GALNT13: variants seen among roughly 807,000 people sequenced by gnomAD.
GALNT13 encodes UDP-GalNAc:polypeptide N-acetylgalactosaminyltransferase 13.
A neutral mutation model predicts 64.2 loss-of-function variants in GALNT13; 28 were observed. The observed-to-expected ratio is 0.44, with a 90% CI of 0.32 to 0.60. GALNT13 has a LOEUF of 0.60. Ranked by LOEUF, GALNT13 falls within the 20% of genes least tolerant of loss-of-function variation. The probability of loss-of-function intolerance (pLI) is 0.05; values close to 1 mark genes in which losing one functional copy is unlikely to be tolerated. For missense variants in GALNT13, 577 were observed against 669.8 expected (o/e 0.86, Z 1.53); for synonymous variants, 214 against 224.6 (o/e 0.95, Z 0.42).
chr2:153,862,666 A>G, the GALNT13 span, among the ~76,000 whole-genome samples: 1 of 152,014 alleles, frequency 6.6e-6, no homozygotes, highest in South Asian at 2.1e-4. Flanking sequence ...TATACCTTAC[A>G]TTTGTAAAAC....
At chr2:153,501,832 C>T in the GALNT13 span, among the ~76,000 whole-genome samples, 6 of 152,246 alleles carry the variant, frequency 3.9e-5, no homozygotes, top group African/African-American at 9.6e-5. Context: ...CTTGGCTATC[C>T]GCTTTTAATT....
At chr2:153,722,526 T>G in the GALNT13 span, among the ~76,000 whole-genome samples, 2 of 149,552 alleles carry the variant, frequency 1.3e-5, no homozygotes, top group African/African-American at 2.5e-5. Flanking sequence ...GGAGCTGGTT[T>G]TTTGAAAGGA....
chr2:153,354,808 C>T, the GALNT13 span, among the ~76,000 whole-genome samples: 2 of 152,042 alleles, frequency 1.3e-5, no homozygotes, highest in African/African-American at 4.8e-5. Context: ...ATTTTTCTTC[C>T]CTATATCATT....
chr2:154,145,673 C>T (rs952077419), intron 4 of GALNT13, among the ~76,000 whole-genome samples: 3 of 151,978 alleles, frequency 2.0e-5, no homozygotes, highest in Non-Finnish European at 2.9e-5. Flanking sequence ...GAGGAAAAGA[C>T]TCTAGCAGCC....
the GALNT13 span, among the ~76,000 whole-genome samples, chr2:153,707,849 G>A: frequency 6.6e-6 from 1 of 152,110 alleles, no homozygotes; most frequent in Admixed American, 6.6e-5. Context: ...ATCACACTGA[G>A]GTTATTGATC....
At chr2:154,039,114 G>C (rs538549519) in intron 3 of GALNT13, among the ~76,000 whole-genome samples, 1 of 152,092 alleles carries the variant, frequency 6.6e-6, no homozygotes, top group East Asian at 1.9e-4. Context: ...AATAACAAAG[G>C]CTGCTGAGGA....
At chr2:153,328,268 G>A in the GALNT13 span, among the ~76,000 whole-genome samples, 13 of 152,204 alleles carry the variant, frequency 8.5e-5, no homozygotes, top group African/African-American at 2.9e-4. Context: ...TTTCAGTCAG[G>A]AGGCATGGGG....
intron 4 of GALNT13, among the ~76,000 whole-genome samples, chr2:154,231,943 G>T (rs575020536): frequency 6.6e-6 from 1 of 151,604 alleles, no homozygotes; most frequent in African/African-American, 2.4e-5. Context: ...CTAGGCACTG[G>T]CCTACTTTAC....
the GALNT13 span, among the ~76,000 whole-genome samples, chr2:153,292,346 A>T: frequency 4.6e-5 from 7 of 152,312 alleles, no homozygotes; most frequent in Middle Eastern, 3.4e-3. Flanking sequence ...AATTCAACAC[A>T]TTTACTAAGA....
chr2:154,268,834 T>C (rs1559058426), intron 8 of GALNT13, among the ~76,000 whole-genome samples: 2 of 152,142 alleles, frequency 1.3e-5, no homozygotes, highest in South Asian at 4.1e-4. Context: ...AATGAAGTAA[T>C]ACTCATTAAA....
chr2:153,205,463 T>C, the GALNT13 span, among the ~76,000 whole-genome samples: 1 of 152,132 alleles, frequency 6.6e-6, no homozygotes, highest in Non-Finnish European at 1.5e-5. Context: ...AAAATGTTTG[T>C]TTAATCCAAA....
chr2:153,125,074 A>C, the GALNT13 span, among the ~76,000 whole-genome samples: 13 of 152,204 alleles, frequency 8.5e-5, no homozygotes, highest in Non-Finnish European at 1.9e-4. Flanking sequence ...ATGAATCATT[A>C]AAAAATATAA....
rs548143605 is a variant in GALNT13, at chr2:153,948,958, A to T, written c.142+4319A>T. ...AAACCCAAGTGACACATGTTTACTG[A>T]TGGAACAAACCTGCACATGTGCCCC... On this transcript the variant is annotated intron_variant, in intron 3 of 12. Transcript: ENST00000392825. Among the ~76,000 whole-genome samples the T allele has an allele frequency of 8.3e-4, 126 of 152,056 alleles. 1 individual carries two copies. Among genetic ancestry groups the T allele is most frequent in the African/African-American group, 2.8e-3 (118 of 41,562 alleles).
At chr2:153,568,246 G>C in the GALNT13 span, among the ~76,000 whole-genome samples, 1 of 151,990 alleles carries the variant, frequency 6.6e-6, no homozygotes, top group African/African-American at 2.4e-5. Flanking sequence ...TTTTGAGACA[G>C]GGTCTCTGGC....
At chr2:153,586,651 T>C in the GALNT13 span, among the ~76,000 whole-genome samples, 2 of 152,202 alleles carry the variant, frequency 1.3e-5, no homozygotes, top group African/African-American at 4.8e-5. Flanking sequence ...CCAAGAAGCA[T>C]TAAACTTCAA....
intron 3 of GALNT13, among the ~76,000 whole-genome samples, chr2:154,065,709 A>C (rs1448188410): frequency 6.6e-6 from 1 of 152,194 alleles, no homozygotes; most frequent in African/African-American, 2.4e-5. Context: ...AACTTAGATC[A>C]TAACACACAA....
the GALNT13 span, among the ~76,000 whole-genome samples, chr2:153,179,840 G>T: frequency 2.0e-5 from 3 of 151,974 alleles, no homozygotes; most frequent in African/African-American, 7.2e-5. Flanking sequence ...GAATTTTATT[G>T]TTAGTGTATA....
At chr2:153,451,420 G>A in the GALNT13 span, among the ~76,000 whole-genome samples, 11 of 151,994 alleles carry the variant, frequency 7.2e-5, no homozygotes, top group Admixed American at 2.0e-4. Flanking sequence ...TAAGAAATTC[G>A]CAAAGTATGA....
the GALNT13 span, among the ~76,000 whole-genome samples, chr2:153,782,037 C>T: frequency 6.6e-6 from 1 of 152,050 alleles, no homozygotes; most frequent in South Asian, 2.1e-4. Flanking sequence ...ATCTTGAGGC[C>T]TGCTATTCTG....
Sources: gnomAD v4.1 joint callset for allele counts (sites outside exome capture counted in the v4.1 genomes callset) on GRCh38, gnomAD v4.1.1 for gene constraint, MANE v1.5 for transcripts, NCBI Gene and HGNC (gene_info 2026-07-23, HGNC 2026-07-21) for gene names.